SERAC1: variants seen among roughly 807,000 people sequenced by gnomAD.
SERAC1 encodes the protein serine active site containing 1, also known as protein SERAC1.
A neutral mutation model predicts 85.7 loss-of-function variants in SERAC1; 36 were observed. The observed-to-expected ratio is 0.42, with a 90% CI of 0.32 to 0.55. SERAC1 has a LOEUF of 0.55. Among genes scored for constraint, SERAC1 ranks in the 20% least tolerant of loss-of-function variants. The pLI is 0.11. For missense variants in SERAC1, 629 were observed against 796.2 expected, an observed-to-expected ratio of 0.79 and a Z score of 2.53; for synonymous variants, 242 against 265.3, an observed-to-expected ratio of 0.91 and a Z score of 0.85.
chr6:158,127,351 C>A (rs1308959415), intron 10 of SERAC1, among the ~76,000 whole-genome samples: 5 of 11,150 alleles, frequency 4.5e-4, no homozygotes, highest in Non-Finnish European at 3.8e-4. Context: ...CCCGGCCAGC[C>A]GCCCCGTCCG....
Position 158,165,319 on chromosome 6 carries a change from C to A in SERAC1, c.-2+2821G>T, listed in dbSNP as rs533297310. 1.1e-3 allele frequency among the ~76,000 whole-genome samples: 173 copies of A among 152,226 alleles called. 2 individuals carry two copies. Among genetic ancestry groups the A allele is most frequent in the African/African-American group, 3.8e-3 (156 of 41,548 alleles). On this transcript the variant is annotated intron_variant, in intron 1 of 16. Transcript: ENST00000647468. Reference sequence around the variant, plus strand: ...TACAGGCGGCTGCCACCACGCCCAGCTATTTTTTTGTATTTTTAGTACAGA... The same window carrying A: ...TACAGGCGGCTGCCACCACGCCCAGATATTTTTTTGTATTTTTAGTACAGA...
chr6:158,122,846 T>C (rs1583567078), intron 10 of SERAC1, among the ~76,000 whole-genome samples: 1 of 152,218 alleles, frequency 6.6e-6, no homozygotes, highest in Non-Finnish European at 1.5e-5. Context: ...ACTACTGTTC[T>C]GTGTCTGTAC....
chr6:158,131,520 T>C (rs1784675959), intron 8 of SERAC1, among the ~76,000 whole-genome samples: 1 of 149,986 alleles, frequency 6.7e-6, no homozygotes. Flanking sequence ...TAAATATATA[T>C]AAACAACGCT....
intron 8 of SERAC1, among the ~76,000 whole-genome samples, chr6:158,137,291 CTCAAA>C (rs933396432): frequency 2.0e-5 from 3 of 151,700 alleles, no homozygotes; most frequent in African/African-American, 7.3e-5. Flanking sequence ...AGAACAGGGA[CTCAAA>C]TCAAAGTGAA....
chr6:158,125,573 C>T (rs1422923999), intron 10 of SERAC1, among the ~76,000 whole-genome samples: 1 of 152,120 alleles, frequency 6.6e-6, no homozygotes, highest in East Asian at 1.9e-4. Flanking sequence ...TTATAAATAA[C>T]AACAATGTAA....
At chr6:158,139,354 T>C (rs1206103426) in intron 8 of SERAC1, among the ~76,000 whole-genome samples, 4 of 152,154 alleles carry the variant, frequency 2.6e-5, no homozygotes, top group Non-Finnish European at 5.9e-5. Flanking sequence ...AATTCATCAA[T>C]ATAAAGAATT....
chr6:158,150,231 T>C (rs1054153880), intron 4 of SERAC1, among the ~76,000 whole-genome samples: 3 of 152,230 alleles, frequency 2.0e-5, no homozygotes, highest in African/African-American at 7.2e-5. Flanking sequence ...AAATGCCAGT[T>C]AGTCTTCACT....
intron 8 of SERAC1, among the ~76,000 whole-genome samples, chr6:158,137,082 C>T (rs1415515320): frequency 2.0e-5 from 3 of 150,894 alleles, no homozygotes; most frequent in South Asian, 2.1e-4. Flanking sequence ...CGCTTGAATG[C>T]GGGAGATGGA....
chr6:158,131,940 A>G (rs930821040), intron 8 of SERAC1, among the ~76,000 whole-genome samples: 1 of 152,220 alleles, frequency 6.6e-6, no homozygotes, highest in African/African-American at 2.4e-5. Flanking sequence ...CAATCTCCAC[A>G]ATAATCCTTA....
In SERAC1 at chr6:158,119,045, G is replaced by A. The variant is rs779852958; in HGVS notation, c.1292C>T (p.Thr431Met). Reference protein sequence around the residue: ...EKPMEDEDRYTTCWPKTWLAK... With the variant: ...EKPMEDEDRYMTCWPKTWLAK... ...CTCCCTTACCTTGGGCCAGCACGTC[G>A]TATATCTGTCTTCATCCTCCATAGG... The change falls in exon 12 of 17, where the codon ACG becomes ATG. Residue 431 changes from threonine to methionine, a missense_variant. Thr to Met is a moderately conservative substitution (Grantham distance 81). Coordinates refer to ENST00000647468, the MANE Select transcript of SERAC1 (RefSeq NM_032861.4). This position sits in a 1 kb window ranked among gnomAD's most constrained non-coding sequence, Gnocchi z 4.5. 2.7e-5 allele frequency: 43 copies of A among 1,613,090 alleles called. No homozygotes were observed. The highest frequency in any genetic ancestry group is 1.1e-4 in the South Asian group (10 of 90,896).
At position 158,119,092 on chromosome 6, in the gene SERAC1, A is replaced by G. The variant is rs1267972049; in HGVS notation, c.1245T>C (p.Ser415=). 3 of 1,614,010 alleles carry G rather than the reference A, an allele frequency of 1.9e-6. No individual in the cohort carries two copies. Among genetic ancestry groups the G allele is most frequent in the East Asian group, 2.2e-5 (1 of 44,870 alleles). The part of the protein sequence containing the change: ...AAFKTWRQQD[S]EQAVIEKPME... ...TAGGTTTTTCAATTACAGCCTGCTC[A>G]CTGTCCTGCTGGCGCCATGTTTTGA... Residue 415 remains serine, a synonymous_variant, in exon 12 of 17, where the codon AGT becomes AGC. Coordinates refer to ENST00000647468, the MANE Select transcript of SERAC1 (RefSeq NM_032861.4). The surrounding 1 kb of genome is among the most constrained non-coding windows in gnomAD (Gnocchi z 4.5).
rs1452422983 is a variant in SERAC1 at position 158,117,353 on chromosome 6, C to T, written c.1403+374G>A. 1 of 655,128 alleles carries T rather than the reference C, an allele frequency of 1.5e-6. No homozygotes were observed. The highest frequency in any genetic ancestry group is 1.8e-5 in the African/African-American group (1 of 54,788). 40.6% of individuals were successfully genotyped at this position (655,128 alleles called of 1,614,324 possible). A position where few individuals can be genotyped will look rare whatever the true frequency, so the allele number is the denominator to read the frequency against. ...AGATGACATACAAGGGAAATAGCAG[C>T]TGATATTTCTCAGCATCTTTCTCTT... On this transcript the variant is annotated intron_variant, in intron 13 of 16. Transcript: ENST00000647468. This position sits in a 1 kb window ranked among gnomAD's most constrained non-coding sequence, Gnocchi z 4.3.
At chr6:158,144,630 TG>T (rs1481830559) in intron 6 of SERAC1, among the ~76,000 whole-genome samples, 1 of 152,162 alleles carries the variant, frequency 6.6e-6, no homozygotes. Flanking sequence ...AACATATATA[TG>T]GAGACCGGGT....
chr6:158,136,297 AT>A (rs1426681111), intron 8 of SERAC1, among the ~76,000 whole-genome samples: 1 of 152,180 alleles, frequency 6.6e-6, no homozygotes, highest in Non-Finnish European at 1.5e-5. Context: ...TGATAACAGT[AT>A]TTCAATATAA....
intron 10 of SERAC1, among the ~76,000 whole-genome samples, chr6:158,124,788 CA>C (rs1784502945): frequency 1.0e-5 from 1 of 99,170 alleles, no homozygotes; most frequent in Non-Finnish European, 2.1e-5. Context: ...CACACACACA[CA>C]TACACACTCA....
chr6:158,157,404 A>C (rs1178904385), intron 2 of SERAC1, among the ~76,000 whole-genome samples: 1 of 152,220 alleles, frequency 6.6e-6, no homozygotes. Flanking sequence ...TTTAAAACAC[A>C]GTATCAGAAT....
Position 158,117,183 on chromosome 6 carries a change from CA to C in SERAC1, c.1403+543del. 1 of 233,664 alleles carries C rather than the reference CA, an allele frequency of 4.3e-6. No homozygotes were observed. Among genetic ancestry groups the C allele is most frequent in the Non-Finnish European group, 8.3e-6 (1 of 119,928 alleles). The allele number at this position is 233,664 out of a possible 1,614,324, so 14.5% of individuals were successfully genotyped here. On this transcript the variant is annotated intron_variant, in intron 13 of 16. Transcript: ENST00000647468. This position sits in a 1 kb window ranked among gnomAD's most constrained non-coding sequence, Gnocchi z 4.3. ...GCAGTTTGATAACACTGATTTAGACCAACTCTGTCAATCTGTAGACAAAGCT... is the reference window on the plus strand; with the variant it reads ...GCAGTTTGATAACACTGATTTAGACCACTCTGTCAATCTGTAGACAAAGCT...
At position 158,111,325 on chromosome 6, in the gene SERAC1, T is replaced by A. The variant is rs756555539; in HGVS notation, c.*41A>T. 8 of 1,534,608 alleles carry A rather than the reference T, an allele frequency of 5.2e-6. No individual in the cohort carries two copies. The highest frequency in any genetic ancestry group is 7.0e-6 in the Non-Finnish European group (8 of 1,144,722). The stretch of plus-strand genomic sequence containing the variant: ...AAGAAGAAACAGAACACCAAGTTTC[T>A]TGCACTGAATTCACATATGAAAACT... On this transcript the variant is annotated 3_prime_UTR_variant, in exon 17 of 17. Transcript: ENST00000647468.
Position 158,111,359 on chromosome 6 carries a change from A to G in SERAC1, c.*7T>C. 1 of 1,578,064 alleles carries G rather than the reference A, an allele frequency of 6.3e-7. No individual in the cohort carries two copies. The highest frequency in any genetic ancestry group is 8.6e-7 in the Non-Finnish European group (1 of 1,167,772). On this transcript the variant is annotated 3_prime_UTR_variant, in exon 17 of 17. Transcript: ENST00000647468. ...ATTCACATATGAAAACTGGAAGAGC[A>G]CAACTGTTAGTTTTCAAGGTCTTTG...
Sources: allele counts gnomAD v4.1 joint callset (sites outside exome capture counted in the v4.1 genomes callset), GRCh38; gene constraint gnomAD v4.1.1; non-coding constraint Gnocchi (gnomAD v3.1); transcripts MANE v1.5; gene names NCBI Gene and HGNC (gene_info 2026-07-23, HGNC 2026-07-21).